Variants in ANKHD1 observed in about 807,000 individuals in gnomAD.
ANKHD1 encodes ankyrin repeat and KH domain containing 1.
ANKHD1 carries 31 observed loss-of-function variants against 230.5 expected under a neutral mutation model. The observed-to-expected ratio is 0.13, with a 90% CI of 0.10 to 0.18. The LOEUF (loss-of-function observed/expected upper bound fraction) is 0.18. ANKHD1 is among the 10% of genes least tolerant of loss of function. ANKHD1 has a pLI of 1.00. For missense variants in ANKHD1, 2,256 were observed against 3,071.3 expected, an observed-to-expected ratio of 0.73 and a Z score of 6.27; for synonymous variants, 1,074 against 1,117.6, an observed-to-expected ratio of 0.96 and a Z score of 0.78.
At chr5:140,521,302 A>C (rs1013081805) in intron 24 of ANKHD1, among the ~76,000 whole-genome samples, 1 of 152,162 alleles carries the variant, frequency 6.6e-6, no homozygotes, top group Non-Finnish European at 1.5e-5. Flanking sequence ...CTTATCCATA[A>C]TAAAAAATGA....
chr5:140,420,578 G>C (rs1018844280), intron 1 of ANKHD1, among the ~76,000 whole-genome samples: 3 of 152,082 alleles, frequency 2.0e-5, no homozygotes, highest in Admixed American at 6.6e-5. Flanking sequence ...AGCATAATTT[G>C]TTGAAAAGAC....
chr5:140,461,482 C>T (rs1020586032), intron 9 of ANKHD1, among the ~76,000 whole-genome samples: 2 of 151,982 alleles, frequency 1.3e-5, no homozygotes, highest in African/African-American at 2.4e-5. Flanking sequence ...TCAAATAAGG[C>T]CTATACAATT....
intron 7 of ANKHD1, among the ~76,000 whole-genome samples, chr5:140,449,659 C>CT (rs1334142475): frequency 5.7e-5 from 8 of 139,918 alleles, no homozygotes; most frequent in African/African-American, 2.2e-4. Context: ...GAGACTCGGT[C>CT]TCAAAAAAAA....
At position 140,449,202 on chromosome 5, in the gene ANKHD1, T is replaced by C. The variant is rs748827289; in HGVS notation, c.1148-9T>C. ...GAATTCTTTTAAAATTTTTGTTCCTTTTTTCAAGGCCATTTGGATATGGTT... is the reference window on the plus strand; with the variant it reads ...GAATTCTTTTAAAATTTTTGTTCCTCTTTTCAAGGCCATTTGGATATGGTT... On this transcript the variant is annotated splice_polypyrimidine_tract_variant and intron_variant, in intron 6 of 33. Transcript: ENST00000360839. 6.2e-7 allele frequency: 1 copy of C among 1,602,838 alleles called. No homozygotes were observed. The highest frequency in any genetic ancestry group is 1.7e-5 in the Admixed American group (1 of 58,704).
intron 10 of ANKHD1, among the ~76,000 whole-genome samples, chr5:140,476,180 A>G (rs1750957804): frequency 6.6e-6 from 1 of 152,076 alleles, no homozygotes; most frequent in South Asian, 2.1e-4. Flanking sequence ...AATACAATAA[A>G]ATATATAATG....
At chr5:140,409,194 A>G (rs1439812572) in intron 1 of ANKHD1, among the ~76,000 whole-genome samples, 1 of 152,198 alleles carries the variant, frequency 6.6e-6, no homozygotes, top group African/African-American at 2.4e-5. Context: ...CACTGCTTTT[A>G]ATAGCATTTC....
intron 24 of ANKHD1, among the ~76,000 whole-genome samples, chr5:140,521,031 C>G (rs1001724467): frequency 6.6e-6 from 1 of 151,536 alleles, no homozygotes; most frequent in Non-Finnish European, 1.5e-5. Context: ...GCTCAGTCTG[C>G]TTACCTGGAA....
At chr5:140,480,550 G>A (rs1751228947) in intron 10 of ANKHD1, among the ~76,000 whole-genome samples, 1 of 151,906 alleles carries the variant, frequency 6.6e-6, no homozygotes, top group Non-Finnish European at 1.5e-5. Flanking sequence ...AAGAGAAAAG[G>A]GTAAAGTAAG....
chr5:140,454,957 G>A (rs1247101283), intron 7 of ANKHD1, among the ~76,000 whole-genome samples: 111 of 149,582 alleles, frequency 7.4e-4, no homozygotes, highest in Middle Eastern at 6.8e-3. Context: ...AACAAAGTTG[G>A]TAGACTTCTA....
At position 140,440,153 on chromosome 5, in the gene ANKHD1, G is replaced by A; in HGVS notation, c.652G>A (p.Val218Ile). The A allele has an allele frequency of 6.2e-7, 1 of 1,612,996 alleles. No individual in the cohort carries two copies. The highest frequency in any genetic ancestry group is 1.3e-5 in the African/African-American group (1 of 74,978). ...SLAEACSDGDVNAVRKLLDEG... is the reference protein window; with the variant it reads ...SLAEACSDGDINAVRKLLDEG... ...AGCAGAAGCTTGTTCAGATGGGGAT[G>A]TTAATGCTGTTCGTAAATTGCTAGA... Residue 218 changes from valine (V) to isoleucine (I), a missense_variant, in exon 4 of 34, where the codon GTT becomes ATT. Val to Ile is a conservative substitution (Grantham distance 29). Coordinates refer to ENST00000360839, the MANE Select transcript of ANKHD1 (RefSeq NM_017747.3).
intron 1 of ANKHD1, among the ~76,000 whole-genome samples, chr5:140,432,891 A>G (rs1322197673): frequency 1.3e-5 from 2 of 151,998 alleles, no homozygotes; most frequent in African/African-American, 4.8e-5. Flanking sequence ...TTTTGTAGAG[A>G]CAAGATCTCA....
At chr5:140,475,682 A>G (rs938285535) in intron 10 of ANKHD1, among the ~76,000 whole-genome samples, 7 of 152,238 alleles carry the variant, frequency 4.6e-5, no homozygotes, top group African/African-American at 1.7e-4. Flanking sequence ...ACAGAAGTGA[A>G]ATATCTCTAT....
chr5:140,515,973 A>C (rs1752986478), intron 24 of ANKHD1, among the ~76,000 whole-genome samples: 2 of 152,236 alleles, frequency 1.3e-5, no homozygotes, highest in African/African-American at 2.4e-5. Flanking sequence ...TGAGAGAAGA[A>C]GGCCTCAGAC....
Position 140,526,239 on chromosome 5 carries a change from A to G in ANKHD1, c.4736A>G (p.Asn1579Ser). The change falls in exon 26 of 34, where the codon AAT (asparagine) becomes AGT (serine). Residue 1579 changes from asparagine (N) to serine (S), a missense_variant. Physicochemically the swap from Asn to Ser is conservative, Grantham distance 46 (BLOSUM62 1). Around this residue, in one of 13 missense-constraint regions of ANKHD1, gnomAD observed 212 missense variants for 257.3 expected, o/e 0.82. Transcript: ENST00000360839. ...AQQKADKNKI[N>S]GEPRGGGAGG... ...CAAAAGGCAGATAAAAATAAAATAAATGGAGAACCTAGAGGTGGTGGTGCA... is the reference window on the plus strand; with the variant it reads ...CAAAAGGCAGATAAAAATAAAATAAGTGGAGAACCTAGAGGTGGTGGTGCA... The G allele has an allele frequency of 6.2e-7, 1 of 1,614,230 alleles. No individual in the cohort carries two copies. Among genetic ancestry groups the G allele is most frequent in the Middle Eastern group, 1.6e-4 (1 of 6,062 alleles).
chr5:140,472,380 G>A (rs1384181860), intron 10 of ANKHD1: 3 of 1,569,000 alleles, frequency 1.9e-6, no homozygotes, highest in Non-Finnish European at 2.6e-6. Flanking sequence ...CTGAATTCCA[G>A]CCAAGAAGTT....
At chr5:140,523,322 A>G (rs1405012810) in intron 24 of ANKHD1, among the ~76,000 whole-genome samples, 1 of 151,740 alleles carries the variant, frequency 6.6e-6, no homozygotes, top group Non-Finnish European at 1.5e-5. Flanking sequence ...TGCCCAGGCT[A>G]GTCTCAAACT....
chr5:140,433,247 G>A (rs1437488333), intron 1 of ANKHD1, among the ~76,000 whole-genome samples: 1 of 151,900 alleles, frequency 6.6e-6, no homozygotes, highest in Non-Finnish European at 1.5e-5. Context: ...TGTATTTTTA[G>A]TACAGACAGG....
intron 15 of ANKHD1, among the ~76,000 whole-genome samples, chr5:140,499,808 A>C (rs1466564389): frequency 6.6e-6 from 1 of 152,180 alleles, no homozygotes; most frequent in Non-Finnish European, 1.5e-5. Context: ...AAAGTAATTT[A>C]AAGAAATTCA....
At chr5:140,462,590 TG>T (rs1581285800) in intron 9 of ANKHD1, among the ~76,000 whole-genome samples, 2 of 151,658 alleles carry the variant, frequency 1.3e-5, no homozygotes, top group East Asian at 3.9e-4. Flanking sequence ...CCAGGCGTGG[TG>T]GTGGACGCCT....
Sources: allele counts gnomAD v4.1 joint callset (sites outside exome capture counted in the v4.1 genomes callset), GRCh38; gene constraint gnomAD v4.1.1; regional missense constraint gnomAD v4.1.1; transcripts MANE v1.5; gene names NCBI Gene and HGNC (gene_info 2026-07-23, HGNC 2026-07-21).